The following DHDDS variants were observed in gnomAD, a reference collection of about 807,000 sequenced individuals.
The protein encoded by DHDDS is dehydrodolichyl diphosphate synthase subunit, also known as dehydrodolichyl diphosphate synthase complex subunit DHDDS.
In DHDDS, 16 loss-of-function variants were observed where a neutral mutation model predicts 46.2. That is an observed-to-expected ratio of 0.35 (90% CI 0.23 to 0.53). The LOEUF (loss-of-function observed/expected upper bound fraction) is 0.53. Among genes scored for constraint, DHDDS ranks in the 20% least tolerant of loss-of-function variants. The pLI is 0.94. For synonymous variants in DHDDS, 151 were observed against 163.1 expected (o/e 0.93, Z 0.56); for missense variants, 340 against 423.7 (o/e 0.80, Z 1.73).
chr1:26,436,591 C>G (rs924624901), intron 2 of DHDDS, among the ~76,000 whole-genome samples: 3 of 151,470 alleles, frequency 2.0e-5, no homozygotes, highest in Non-Finnish European at 4.4e-5. Context: ...GCCCGGCTAA[C>G]TTTTTGTATT....
At chr1:26,454,719 C>A in intron 6 of DHDDS, 1 of 1,588,534 alleles carries the variant, frequency 6.3e-7, no homozygotes. Flanking sequence ...GGTTTAGGAA[C>A]AATCTGTTCC....
chr1:26,454,553 A>G (rs898247927), intron 6 of DHDDS: 3 of 634,958 alleles, frequency 4.7e-6, no homozygotes, highest in Admixed American at 5.6e-5. Context: ...TTTGACCCTC[A>G]TGATAACCTA....
Position 26,433,387 on chromosome 1 carries a change from C to T in DHDDS, c.63+379C>T, listed in dbSNP as rs116666688. ...CAGTAGAGCTGGGCCCGGTCACTCA[C>T]GCCTGTAATCCCAGCAATTTGGGAG... On this transcript the variant is annotated intron_variant, in intron 2 of 8. Transcript: ENST00000236342. 6.7e-3 allele frequency among the ~76,000 whole-genome samples: 1,017 copies of T among 152,202 alleles called. 6 individuals are homozygous for T. The highest frequency in any genetic ancestry group is 0.023 in the African/African-American group (934 of 41,504).
chr1:26,445,266 C>A (rs1196910217), intron 4 of DHDDS, among the ~76,000 whole-genome samples: 1 of 152,136 alleles, frequency 6.6e-6, no homozygotes, highest in Non-Finnish European at 1.5e-5. Flanking sequence ...TCACCATTAT[C>A]ATAATATTTC....
chr1:26,440,320 T>G (rs2075205750), intron 3 of DHDDS, among the ~76,000 whole-genome samples: 1 of 152,192 alleles, frequency 6.6e-6, no homozygotes, highest in African/African-American at 2.4e-5. Flanking sequence ...GCTTCTCTTT[T>G]GTAACTGAGA....
rs1460690672 is a variant in DHDDS, at chr1:26,457,742, G to A, written c.543-49G>A. 4 of 1,406,064 alleles carry A rather than the reference G, an allele frequency of 2.8e-6. No homozygotes were observed. In the South Asian group the frequency reaches 4.6e-5, roughly 16 times the overall value. 87.1% of individuals were successfully genotyped at this position (1,406,064 alleles called of 1,614,324 possible). On this transcript the variant is annotated intron_variant, in intron 6 of 8. Coordinates refer to ENST00000236342, the MANE Select transcript of DHDDS (RefSeq NM_205861.3). ...TCACCATGAGAACACTACAGAAAGA[G>A]AATACTACAGGATGTGTGCCTCTCT... is the stretch of plus-strand genomic sequence containing the variant.
chr1:26,441,096 T>C (rs1296693057), intron 3 of DHDDS, among the ~76,000 whole-genome samples: 1 of 150,134 alleles, frequency 6.7e-6, no homozygotes, highest in Non-Finnish European at 1.5e-5. Context: ...GGCTAATTTT[T>C]GCATTTTTAG....
intron 6 of DHDDS, chr1:26,455,016 C>CG: frequency 7.5e-7 from 1 of 1,333,654 alleles, no homozygotes; most frequent in Middle Eastern, 2.5e-4. Flanking sequence ...CGGAATGGTA[C>CG]GCACTGTTTC....
In DHDDS at chr1:26,460,101, T is replaced by G. The variant is rs1038914770; in HGVS notation, c.722T>G (p.Phe241Cys). 2.4e-5 allele frequency: 38 copies of G among 1,614,164 alleles called. No individual in the cohort carries two copies. Among genetic ancestry groups the G allele is most frequent in the Non-Finnish European group, 3.1e-5 (37 of 1,180,042 alleles). ...LWPEYTFWNL[F>C]EAILQFQMNH... ...CCAGAGTATACATTTTGGAACCTCT[T>G]CGAGGCCATCCTGCAGTTCCAGATG... Residue 241 changes from phenylalanine to cysteine, a missense_variant, in exon 8 of 9, where the codon TTC (phenylalanine) becomes TGC (cysteine). By Grantham distance (205) the Phe-to-Cys change is radical. This residue lies in a region of DHDDS where 268 missense variants were observed against 300.3 expected (regional missense o/e 0.89). Transcript: ENST00000236342.
intron 8 of DHDDS, among the ~76,000 whole-genome samples, chr1:26,464,669 T>C (rs1167215610): frequency 6.6e-6 from 1 of 152,226 alleles, no homozygotes; most frequent in Non-Finnish European, 1.5e-5. Context: ...GTCTCCCTTT[T>C]ACAGACCCTG....
At chr1:26,466,331 T>G (rs947448479) in intron 8 of DHDDS, 1 of 152,114 alleles carries the variant, frequency 6.6e-6, no homozygotes, top group East Asian at 1.9e-4. Flanking sequence ...ACCTCTGAGA[T>G]TGAAAGGGTA....
At chr1:26,447,525 C>G in intron 5 of DHDDS, 34 bp from the exon 6 acceptor site, 1 of 1,558,414 alleles carries the variant, frequency 6.4e-7, no homozygotes, top group Non-Finnish European at 8.9e-7. Context: ...TCCCTGTCCC[C>G]CTTTGGTAAA....
At chr1:26,468,823 ACCTCCT>A in intron 8 of DHDDS, 66 bp from the exon 9 acceptor site, 1 of 1,375,564 alleles carries the variant, frequency 7.3e-7, no homozygotes, top group Non-Finnish European at 9.5e-7. Context: ...CCCACCCCCT[ACCTCCT>A]CCATCCCAGT....
chr1:26,467,824 G>C (rs924348131), intron 8 of DHDDS, among the ~76,000 whole-genome samples: 1 of 152,240 alleles, frequency 6.6e-6, no homozygotes, highest in Non-Finnish European at 1.5e-5. Context: ...CAAAGGCTTT[G>C]CAGGTCAGTT....
intron 2 of DHDDS, among the ~76,000 whole-genome samples, chr1:26,433,613 T>C (rs2075124279): frequency 6.9e-6 from 1 of 145,626 alleles, no homozygotes; most frequent in African/African-American, 2.6e-5. Context: ...GCCACCACAC[T>C]CCAGCCTGGG....
intron 4 of DHDDS, among the ~76,000 whole-genome samples, chr1:26,445,937 C>T (rs560186987): frequency 6.6e-6 from 1 of 151,046 alleles, no homozygotes; most frequent in East Asian, 2.0e-4. Flanking sequence ...GTGGGAGGAT[C>T]GCTTAAACCC....
intron 8 of DHDDS, 83 bp from the exon 9 acceptor site, chr1:26,468,800 GCCCACCCTGTGC>G: frequency 5.7e-6 from 8 of 1,404,460 alleles, no homozygotes; most frequent in South Asian, 4.0e-5. Context: ...ACTTCACTTG[GCCCACCCTGTGC>G]CCCACCCCCT....
chr1:26,435,290 A>G lies in DHDDS; in HGVS notation c.63+2282A>G, dbSNP rs990529620. Among the ~76,000 whole-genome samples the G allele has an allele frequency of 2.0e-5, 3 of 152,162 alleles. No homozygotes were observed. In the East Asian group the frequency reaches 5.8e-4, roughly 30 times the overall value. ...CTCCCAAAGTGCTGGGATTACAGGC[A>G]TGAGCCACTGCGCCCGGCTGAAAAG... On this transcript the variant is annotated intron_variant, in intron 2 of 8. Transcript: ENST00000236342.
chr1:26,460,962 C>T (rs767666318), intron 8 of DHDDS, among the ~76,000 whole-genome samples: 4 of 152,202 alleles, frequency 2.6e-5, no homozygotes, highest in Admixed American at 2.6e-4. Flanking sequence ...CAACCTCCCC[C>T]TCCTGGGTTT....
Sources: allele counts gnomAD v4.1 joint callset (sites outside exome capture counted in the v4.1 genomes callset), GRCh38; gene constraint gnomAD v4.1.1; regional missense constraint gnomAD v4.1.1; transcripts MANE v1.5; gene names NCBI Gene and HGNC (gene_info 2026-07-23, HGNC 2026-07-21).